CALN1: variants seen among roughly 807,000 people sequenced by gnomAD.
CALN1 encodes the protein calneuron 1, also known as calcium-binding protein 8.
In CALN1, 17 loss-of-function variants were observed where a neutral mutation model predicts 30.6. That is an observed-to-expected ratio of 0.56 (90% CI 0.38 to 0.83). The LOEUF is 0.83. Among genes scored for constraint, CALN1 ranks in the 40% least tolerant of loss-of-function variants. The pLI is 0.00. For synonymous variants in CALN1, 156 were observed against 131.4 expected, an observed-to-expected ratio of 1.19 and a Z score of -1.28; for missense variants, 291 against 354.9, an observed-to-expected ratio of 0.82 and a Z score of 1.45.
At chr7:71,970,714 G>A (rs1227196952) in intron 5 of CALN1, among the ~76,000 whole-genome samples, 2 of 151,874 alleles carry the variant, frequency 1.3e-5, no homozygotes, top group Non-Finnish European at 2.9e-5. Flanking sequence ...AGGCAATAAA[G>A]CTCGTGACAT....
chr7:72,020,686 AC>A (rs1298725481), intron 5 of CALN1, among the ~76,000 whole-genome samples: 2 of 152,150 alleles, frequency 1.3e-5, no homozygotes, highest in Non-Finnish European at 2.9e-5. Context: ...CTATCTTTTC[AC>A]CCTGAGTGGG....
chr7:72,290,645 T>A (rs999954686), intron 2 of CALN1, among the ~76,000 whole-genome samples: 1 of 152,232 alleles, frequency 6.6e-6, no homozygotes, highest in African/African-American at 2.4e-5. Context: ...CACTGATACA[T>A]CATAGTGTTG....
chr7:72,181,532 G>A (rs1789809017), intron 3 of CALN1, among the ~76,000 whole-genome samples: 1 of 151,146 alleles, frequency 6.6e-6, no homozygotes, highest in Non-Finnish European at 1.5e-5. Flanking sequence ...AGGCTGGAGT[G>A]CTATGGCATG....
chr7:72,002,112 A>C (rs1254062135), intron 5 of CALN1, among the ~76,000 whole-genome samples: 1 of 152,216 alleles, frequency 6.6e-6, no homozygotes, highest in East Asian at 1.9e-4. Context: ...TTTCTCTATA[A>C]GATTGGGAAG....
At chr7:71,880,444 C>T in intron 5 of CALN1, among the ~76,000 whole-genome samples, 1 of 152,170 alleles carries the variant, frequency 6.6e-6, no homozygotes, top group Non-Finnish European at 1.5e-5. Context: ...TTGCCCAAGG[C>T]TTAGCCCATC....
Position 71,810,374 on chromosome 7 carries a change from T to C in CALN1, c.620A>G (p.Asn207Ser), listed in dbSNP as rs1426239580. 1.9e-6 allele frequency: 3 copies of C among 1,614,168 alleles called. No individual in the cohort carries two copies. Among genetic ancestry groups the C allele is most frequent in the South Asian group, 1.1e-5 (1 of 91,062 alleles). Residue 207 changes from asparagine to serine, a missense_variant, in exon 6 of 7, where the codon AAT (asparagine) becomes AGT (serine). By Grantham distance (46) the Asn-to-Ser change is conservative (BLOSUM62 1). Transcript: ENST00000395275. Reference protein sequence around the residue: ...NIIINEEESLNETSGNCQTEF... With the variant: ...NIIINEEESLSETSGNCQTEF... ...TGTTTGGCAGTTCCCCGAGGTCTCATTCAGGCTCTCTTCCTCATTGATAAT... is the reference window on the plus strand; with the variant it reads ...TGTTTGGCAGTTCCCCGAGGTCTCACTCAGGCTCTCTTCCTCATTGATAAT...
At chr7:72,304,938 A>G (rs945326516) in intron 2 of CALN1, among the ~76,000 whole-genome samples, 1 of 152,216 alleles carries the variant, frequency 6.6e-6, no homozygotes, top group African/African-American at 2.4e-5. Flanking sequence ...TTTACAAATG[A>G]AAGAGCCTGG....
At chr7:72,447,586 T>G (rs1808567735), upstream of CALN1, among the ~76,000 whole-genome samples, 1 of 152,148 alleles carries the variant, frequency 6.6e-6, no homozygotes, top group Admixed American at 6.5e-5. Flanking sequence ...TGGTCTGTAC[T>G]GTGTGCTCCC....
intron 1 of CALN1, among the ~76,000 whole-genome samples, chr7:72,444,716 A>T (rs1274121197): frequency 6.6e-6 from 1 of 152,188 alleles, no homozygotes; most frequent in African/African-American, 2.4e-5. Flanking sequence ...TTGAAAGAAG[A>T]GATACTCCTT....
intron 1 of CALN1, among the ~76,000 whole-genome samples, chr7:72,430,964 AT>A (rs781481392): frequency 0.026 from 3,124 of 118,948 alleles, 35 homozygotes; most frequent in African/African-American, 0.058. Context: ...AAGCCAAGCT[AT>A]TTTTTTTTTT....
the CALN1 span, among the ~76,000 whole-genome samples, chr7:72,482,368 C>T: frequency 6.1e-4 from 93 of 152,158 alleles, no homozygotes; most frequent in African/African-American, 2.0e-3. Context: ...AGTGTAGTTA[C>T]GATATAATGA....
chr7:71,833,075 G>A (rs893771945), intron 5 of CALN1, among the ~76,000 whole-genome samples: 43 of 152,240 alleles, frequency 2.8e-4, no homozygotes, highest in African/African-American at 1.0e-3. Context: ...ATTCTCTGAC[G>A]TGTCCTTCTC....
intron 2 of CALN1, among the ~76,000 whole-genome samples, chr7:72,395,108 C>G (rs760176420): frequency 7.2e-5 from 11 of 152,294 alleles, no homozygotes; most frequent in Admixed American, 2.0e-4. Context: ...CCTACCTCCC[C>G]AAGACCCTGT....
intron 1 of CALN1, among the ~76,000 whole-genome samples, chr7:72,404,975 T>C (rs1182292791): frequency 1.3e-5 from 2 of 152,168 alleles, no homozygotes; most frequent in Non-Finnish European, 2.9e-5. Flanking sequence ...AGATGCTTTG[T>C]AATTTCCATC....
intron 2 of CALN1, among the ~76,000 whole-genome samples, chr7:72,326,588 G>C (rs904853458): frequency 6.6e-6 from 1 of 152,214 alleles, no homozygotes; most frequent in Non-Finnish European, 1.5e-5. Context: ...TCAGTGTTCA[G>C]TACAGATGTT....
At chr7:72,078,087 C>A (rs181687435) in intron 4 of CALN1, among the ~76,000 whole-genome samples, 1 of 152,296 alleles carries the variant, frequency 6.6e-6, no homozygotes, top group African/African-American at 2.4e-5. Flanking sequence ...AGAATCTATT[C>A]ATCATTTGCC....
At chr7:72,439,101 A>G (rs911707838) in intron 1 of CALN1, among the ~76,000 whole-genome samples, 1 of 152,144 alleles carries the variant, frequency 6.6e-6, no homozygotes, top group African/African-American at 2.4e-5. Context: ...CAGTGACGCC[A>G]TTATAGCTCA....
intron 2 of CALN1, among the ~76,000 whole-genome samples, chr7:72,345,637 G>C (rs1046070330): frequency 6.6e-6 from 1 of 151,960 alleles, no homozygotes; most frequent in Non-Finnish European, 1.5e-5. Flanking sequence ...GAGAATTCTT[G>C]GGAAATTGGA....
At chr7:72,310,886 C>T (rs558436627) in intron 2 of CALN1, among the ~76,000 whole-genome samples, 3 of 132,180 alleles carry the variant, frequency 2.3e-5, no homozygotes, top group Non-Finnish European at 3.1e-5. Flanking sequence ...GCCAGCCTGG[C>T]GACAGAGCAA....
Sources: gnomAD v4.1 joint callset for allele counts (sites outside exome capture counted in the v4.1 genomes callset) on GRCh38, gnomAD v4.1.1 for gene constraint, MANE v1.5 for transcripts, NCBI Gene and HGNC (gene_info 2026-07-23, HGNC 2026-07-21) for gene names.